Variants in SLC22A3 observed in about 807,000 individuals in gnomAD.
SLC22A3 encodes the protein solute carrier family 22 member 3.
Under a neutral mutation model 59.1 loss-of-function variants are expected in SLC22A3, and 51 were observed. That is an observed-to-expected ratio of 0.86 (90% CI 0.69 to 1.09). SLC22A3 has a LOEUF of 1.09. SLC22A3 is among the 50% of genes least tolerant of loss of function. SLC22A3 has a pLI of 0.00. For synonymous variants in SLC22A3, 325 were observed against 292.0 expected (o/e 1.11, Z -1.15); for missense variants, 711 against 726.3 (o/e 0.98, Z 0.24).
chr6:160,373,570 A>C (rs549546573), intron 1 of SLC22A3, among the ~76,000 whole-genome samples: 1 of 152,302 alleles, frequency 6.6e-6, no homozygotes. Flanking sequence ...CAGAGCTGGC[A>C]GGCAGGAACG....
intron 3 of SLC22A3, 64 bp from the exon 4 acceptor site, chr6:160,408,688 AT>A: frequency 6.6e-7 from 1 of 1,505,134 alleles, no homozygotes; most frequent in Admixed American, 1.7e-5. Flanking sequence ...ACATCTCTGT[AT>A]TTGTTTGTTT....
At chr6:160,416,325 G>T (rs891435561) in intron 5 of SLC22A3, among the ~76,000 whole-genome samples, 2 of 152,142 alleles carry the variant, frequency 1.3e-5, no homozygotes, top group African/African-American at 4.8e-5. Flanking sequence ...AGGTTAGGTA[G>T]AAATTAAAGA....
At chr6:160,361,998 C>G (rs187529151) in intron 1 of SLC22A3, among the ~76,000 whole-genome samples, 5 of 152,280 alleles carry the variant, frequency 3.3e-5, no homozygotes, top group Admixed American at 6.5e-5. Flanking sequence ...GTTACTGGTA[C>G]CTTGCAGGCT....
rs1379099842 is a variant in SLC22A3, at chr6:160,451,077, AGAAG to A, written c.*24_*27del. The stretch of plus-strand genomic sequence containing the variant: ...TTTGAGGCCCCCGACAAAGACAGAA[AGAAG>A]GAGCTATCCAGGAGCTGATCCTCCT... On this transcript the variant is annotated 3_prime_UTR_variant, in exon 11 of 11. Coordinates refer to ENST00000275300, the MANE Select transcript of SLC22A3 (RefSeq NM_021977.4). 1 of 1,580,820 alleles carries A rather than the reference AGAAG, an allele frequency of 6.3e-7. No homozygotes were observed. The highest frequency in any genetic ancestry group is 2.3e-5 in the East Asian group (1 of 43,160).
intron 7 of SLC22A3, among the ~76,000 whole-genome samples, chr6:160,439,419 G>GAT (rs368382225): frequency 0.017 from 2,564 of 151,586 alleles, 64 homozygotes; most frequent in Middle Eastern, 0.1. Context: ...CTCATTTCAT[G>GAT]ATATATATAT....
At chr6:160,363,501 G>A (rs1443053556) in intron 1 of SLC22A3, among the ~76,000 whole-genome samples, 1 of 152,154 alleles carries the variant, frequency 6.6e-6, no homozygotes, top group Non-Finnish European at 1.5e-5. Context: ...CCTGGCAGGC[G>A]TGTGCCCAGC....
chr6:160,367,943 A>G (rs559080507), intron 1 of SLC22A3, among the ~76,000 whole-genome samples: 1 of 152,144 alleles, frequency 6.6e-6, no homozygotes, highest in South Asian at 2.1e-4. Flanking sequence ...TCTTCAGCCC[A>G]TATCTTCCAG....
At chr6:160,447,866 C>T (rs755719739) in intron 10 of SLC22A3, 48 bp downstream of exon 10, 1 of 1,332,396 alleles carries the variant, frequency 7.5e-7, no homozygotes, top group Non-Finnish European at 1.1e-6. Context: ...ATATTTAAAA[C>T]CACGGGGGAA....
chr6:160,418,425 TC>T (rs1440874305), intron 5 of SLC22A3, among the ~76,000 whole-genome samples: 1 of 152,220 alleles, frequency 6.6e-6, no homozygotes, highest in Non-Finnish European at 1.5e-5. Context: ...ACTGAGCCAC[TC>T]CTGGCTTCCT....
In SLC22A3 at chr6:160,437,166, A is replaced by G. The variant is rs779831686; in HGVS notation, c.1243A>G (p.Ile415Val). Residue 415 changes from isoleucine to valine, a missense_variant, in exon 7 of 11, where the codon ATA becomes GTA. Ile to Val is a conservative substitution (Grantham distance 29). Transcript: ENST00000275300. ...ACGCCTCCCCTTTGCGGCAAGCAAT[A>G]TAGTGGCAGGGGTGGCATGCCTTGT... ...GRRLPFAASN[I>V]VAGVACLVTA... 3 of 1,614,162 alleles carry G rather than the reference A, an allele frequency of 1.9e-6. No homozygotes were observed. Among genetic ancestry groups the G allele is most frequent in the Admixed American group, 1.7e-5 (1 of 60,022 alleles).
intron 1 of SLC22A3, among the ~76,000 whole-genome samples, chr6:160,363,679 TTCTC>T (rs1302883730): frequency 6.6e-6 from 1 of 152,134 alleles, no homozygotes. Flanking sequence ...AGAATGCTGC[TTCTC>T]TGTTTCCAAG....
intron 2 of SLC22A3, among the ~76,000 whole-genome samples, chr6:160,399,928 C>T (rs1198725272): frequency 6.6e-6 from 1 of 151,968 alleles, no homozygotes; most frequent in Non-Finnish European, 1.5e-5. Flanking sequence ...CAGGAGAATA[C>T]AGAGAATCAT....
At chr6:160,435,551 C>A (rs1258506227) in intron 5 of SLC22A3, among the ~76,000 whole-genome samples, 2 of 152,122 alleles carry the variant, frequency 1.3e-5, no homozygotes, top group Non-Finnish European at 2.9e-5. Flanking sequence ...CATAAGATAT[C>A]AAGCTTTGGT....
rs182399546 is a variant in SLC22A3, at chr6:160,404,696, C to T, written c.534-2345C>T. ...GGCACTACTTAACGTCAAGACTTAC[C>T]GTAAAGCGACAGTAATCACGACAGT... On this transcript the variant is annotated intron_variant, in intron 2 of 10. Transcript: ENST00000275300. Among the ~76,000 whole-genome samples, 25 of 152,048 alleles carry T rather than the reference C, an allele frequency of 1.6e-4. No homozygotes were observed. The Middle Eastern group carries it at 0.01, about 62-fold the overall frequency.
At chr6:160,412,935 A>T (rs951259964) in intron 5 of SLC22A3, among the ~76,000 whole-genome samples, 2 of 152,142 alleles carry the variant, frequency 1.3e-5, no homozygotes, top group African/African-American at 2.4e-5. Context: ...GAAAATAAAT[A>T]GGAATAAAGA....
At chr6:160,448,178 A>C (rs1788817774) in intron 10 of SLC22A3, among the ~76,000 whole-genome samples, 1 of 152,208 alleles carries the variant, frequency 6.6e-6, no homozygotes, top group African/African-American at 2.4e-5. Context: ...CAGAGTGAGG[A>C]TGCGTCAGGT....
intron 1 of SLC22A3, among the ~76,000 whole-genome samples, chr6:160,355,812 T>C (rs181585416): frequency 6.6e-6 from 1 of 152,128 alleles, no homozygotes; most frequent in African/African-American, 2.4e-5. Context: ...AACTTGTCTT[T>C]TCTCATGAGG....
chr6:160,450,929 T>TAACA, intron 10 of SLC22A3, 67 bp from the exon 11 acceptor site: 1 of 1,425,398 alleles, frequency 7.0e-7, no homozygotes, highest in South Asian at 1.2e-5. Flanking sequence ...TATTAAATAA[T>TAACA]AACAGAACAC....
intron 1 of SLC22A3, among the ~76,000 whole-genome samples, chr6:160,380,314 G>A (rs938014101): frequency 2.6e-5 from 4 of 151,954 alleles, no homozygotes; most frequent in Non-Finnish European, 5.9e-5. Context: ...AATTCTTATA[G>A]GTTTAGTATC....
Sources: gnomAD v4.1 joint callset for allele counts (sites outside exome capture counted in the v4.1 genomes callset) on GRCh38, gnomAD v4.1.1 for gene constraint, MANE v1.5 for transcripts, NCBI Gene and HGNC (gene_info 2026-07-23, HGNC 2026-07-21) for gene names.